SLC9B1: variants seen among roughly 807,000 people sequenced by gnomAD.
SLC9B1 encodes solute carrier family 9 member B1, also known as sodium/hydrogen exchanger 9B1.
Under a neutral mutation model 51.7 loss-of-function variants are expected in SLC9B1, and 32 were observed. The ratio of observed to expected loss-of-function variants is 0.62; its 90% CI spans 0.47 to 0.83. The LOEUF (loss-of-function observed/expected upper bound fraction) is 0.83, where lower values mean the gene tolerates loss of function less well. Ranked by LOEUF, SLC9B1 falls within the 40% of genes least tolerant of loss-of-function variation. The probability of loss-of-function intolerance (pLI) is 0.00; values close to 1 mark genes in which losing one functional copy is unlikely to be tolerated. For missense variants in SLC9B1, 406 were observed against 613.2 expected, an observed-to-expected ratio of 0.66 and a Z score of 3.57; for synonymous variants, 145 against 212.7, an observed-to-expected ratio of 0.68 and a Z score of 2.77.
At chr4:102,969,788 C>T (rs1308301552) in intron 3 of SLC9B1, among the ~76,000 whole-genome samples, 2 of 152,134 alleles carry the variant, frequency 1.3e-5, no homozygotes, top group South Asian at 2.1e-4. Context: ...ATAGAGAAGA[C>T]CTTTAATGAC....
At position 102,989,105 on chromosome 4, in the gene SLC9B1, T is replaced by C. The variant is rs1268802105; in HGVS notation, c.211+695A>G. On this transcript the variant is annotated intron_variant, in intron 3 of 11. Transcript: ENST00000296422. ...TAAATTAAAAAGCAACCTTTACTAATGAAAAAAATCAATGAATAAAATTTG... is the reference window on the plus strand; with the variant it reads ...TAAATTAAAAAGCAACCTTTACTAACGAAAAAAATCAATGAATAAAATTTG... 4.7e-5 allele frequency among the ~76,000 whole-genome samples: 7 copies of C among 149,216 alleles called. No homozygotes were observed. In the East Asian group the frequency reaches 1.2e-3, roughly 25 times the overall value.
rs1737285956 is a variant in SLC9B1, at chr4:102,946,688, T to G, written c.484A>C (p.Thr162Pro). The G allele has an allele frequency of 6.2e-7, 1 of 1,610,396 alleles. No individual in the cohort carries two copies. The highest frequency in any genetic ancestry group is 8.5e-7 in the Non-Finnish European group (1 of 1,179,328). Residue 162 changes from threonine to proline, a missense_variant, in exon 5 of 12, where the codon ACC (threonine) becomes CCC (proline). Transcript: ENST00000296422. Reference protein sequence around the residue: ...WSSILRSIALTIILIRAGLGL... With the variant: ...WSSILRSIALPIILIRAGLGL... ...AGCCCAGCTCTTATTAGAATAATGG[T>G]AAGGGCAATGCTTCTTAAAATTGAA...
intron 7 of SLC9B1, among the ~76,000 whole-genome samples, chr4:102,930,222 T>A (rs4698864): frequency 0.55 from 83,124 of 151,888 alleles, 23,332 homozygotes; most frequent in African/African-American, 0.68. Flanking sequence ...AAGGCTAGTA[T>A]TACCAAGTTT....
chr4:102,923,149 T>C (rs1205548936), intron 7 of SLC9B1, among the ~76,000 whole-genome samples: 1 of 152,134 alleles, frequency 6.6e-6, no homozygotes, highest in Non-Finnish European at 1.5e-5. Context: ...TGAACATTGA[T>C]ACAAAAATCC....
chr4:102,913,592 G>T lies in SLC9B1; in HGVS notation c.830-2055C>A, dbSNP rs80060937. The stretch of plus-strand genomic sequence containing the variant: ...AAATAAAAAATAACAGGCATAAGAA[G>T]AAACAGAGAAACCTGATGACTAAAT... On this transcript the variant is annotated intron_variant, in intron 7 of 11. Coordinates refer to ENST00000296422, the MANE Select transcript of SLC9B1 (RefSeq NM_139173.4). Among the ~76,000 whole-genome samples the T allele has an allele frequency of 1.5e-3, 222 of 151,840 alleles. 3 individuals are homozygous for T. The East Asian group carries it at 0.023, about 16-fold the overall frequency.
chr4:103,008,801 T>G (rs865881661), intron 1 of SLC9B1, among the ~76,000 whole-genome samples: 1 of 143,350 alleles, frequency 7.0e-6, no homozygotes, highest in African/African-American at 2.7e-5. Context: ...CAGTTTCTTT[T>G]TTTTTTTTTT....
chr4:102,959,020 A>G (rs1737947344), intron 3 of SLC9B1, among the ~76,000 whole-genome samples: 1 of 152,164 alleles, frequency 6.6e-6, no homozygotes, highest in Non-Finnish European at 1.5e-5. Context: ...AAACAAAAAG[A>G]CATGACACAT....
intron 11 of SLC9B1, among the ~76,000 whole-genome samples, chr4:102,902,030 C>T (rs1734814437): frequency 6.6e-6 from 1 of 152,180 alleles, no homozygotes; most frequent in African/African-American, 2.4e-5. Context: ...TTCTCTCTCC[C>T]TCACTCCTCA....
intron 1 of SLC9B1, among the ~76,000 whole-genome samples, chr4:103,012,031 T>A (rs987504757): frequency 4.6e-5 from 7 of 152,252 alleles, no homozygotes; most frequent in Non-Finnish European, 7.3e-5. Context: ...TATTCTCTCC[T>A]GAACTCAGTC....
exon 12 of SLC9B1, chr4:102,885,237 T>C: frequency 1.2e-6 from 2 of 1,614,144 alleles, no homozygotes; most frequent in African/African-American, 2.7e-5. Context: ...CTTCGGTTAT[T>C]GCCTTTCCTT....
chr4:102,972,227 T>G (rs1016979415), intron 3 of SLC9B1, among the ~76,000 whole-genome samples: 7 of 152,152 alleles, frequency 4.6e-5, no homozygotes, highest in African/African-American at 1.7e-4. Flanking sequence ...TGAACATCAA[T>G]GCAAAAATCC....
chr4:102,902,332 C>G (rs1372041996), intron 11 of SLC9B1, among the ~76,000 whole-genome samples: 1 of 152,072 alleles, frequency 6.6e-6, no homozygotes, highest in Non-Finnish European at 1.5e-5. Context: ...AAGAACCCCT[C>G]AATTTAAGAT....
At chr4:102,903,702 A>G (rs1734893148) in intron 11 of SLC9B1, among the ~76,000 whole-genome samples, 1 of 152,258 alleles carries the variant, frequency 6.6e-6, no homozygotes, top group Non-Finnish European at 1.5e-5. Context: ...AAACAGTCTA[A>G]CAATAAGTAG....
intron 3 of SLC9B1, among the ~76,000 whole-genome samples, chr4:102,977,874 T>G (rs1041979799): frequency 6.6e-6 from 1 of 152,138 alleles, no homozygotes; most frequent in Admixed American, 6.5e-5. Flanking sequence ...TAGTTACATA[T>G]GTATACATGT....
intron 3 of SLC9B1, among the ~76,000 whole-genome samples, chr4:102,960,663 T>G (rs1410547019): frequency 6.6e-6 from 1 of 152,136 alleles, no homozygotes; most frequent in Non-Finnish European, 1.5e-5. Context: ...GATATGAGTT[T>G]AGAGTCACTG....
chr4:102,976,682 G>T (rs1250066723), intron 3 of SLC9B1, among the ~76,000 whole-genome samples: 1 of 152,166 alleles, frequency 6.6e-6, no homozygotes, highest in African/African-American at 2.4e-5. Context: ...GTAAGTTAAG[G>T]GATAGGATGG....
At chr4:103,008,862 C>G (rs1019914698) in intron 1 of SLC9B1, among the ~76,000 whole-genome samples, 1 of 142,606 alleles carries the variant, frequency 7.0e-6, no homozygotes, top group South Asian at 2.2e-4. Flanking sequence ...TGCAGTGGCG[C>G]AATCTCGACT....
intron 11 of SLC9B1, chr4:102,892,581 T>TA (rs1272455087): frequency 6.6e-6 from 1 of 152,204 alleles, no homozygotes; most frequent in Non-Finnish European, 1.5e-5. Context: ...ATTCTTCGCT[T>TA]ACAAAACTTC....
chr4:102,979,058 C>A (rs1739220366), intron 3 of SLC9B1, among the ~76,000 whole-genome samples: 1 of 152,050 alleles, frequency 6.6e-6, no homozygotes, highest in South Asian at 2.1e-4. Context: ...GGGTAAAAAC[C>A]ACTGAGCAAA....
Sources: gnomAD v4.1 joint callset for allele counts (sites outside exome capture counted in the v4.1 genomes callset) on GRCh38, gnomAD v4.1.1 for gene constraint, MANE v1.5 for transcripts, NCBI Gene and HGNC (gene_info 2026-07-23, HGNC 2026-07-21) for gene names.